The following GJB7 variants were observed in gnomAD, a reference collection of about 807,000 sequenced individuals.
GJB7 encodes the protein gap junction beta-7 protein.
For synonymous variants in GJB7, 87 were observed against 95.2 expected (o/e 0.91, Z 0.50); for missense variants, 253 against 256.8 (o/e 0.99, Z 0.10).
chr6:87,309,347 T>G (rs1480565339), intron 2 of GJB7, among the ~76,000 whole-genome samples: 1 of 152,198 alleles, frequency 6.6e-6, no homozygotes, highest in African/African-American at 2.4e-5. Flanking sequence ...CCTTATGGAT[T>G]TCCAGCTTGT....
intron 2 of GJB7, among the ~76,000 whole-genome samples, chr6:87,287,348 G>A (rs1776078348): frequency 6.6e-6 from 1 of 152,202 alleles, no homozygotes; most frequent in Non-Finnish European, 1.5e-5. Flanking sequence ...GGGGAGTTAA[G>A]AAAACTGAGA....
In GJB7 at chr6:87,292,799, A is replaced by G. The variant is rs1465780485; in HGVS notation, c.-27-7860T>C. On this transcript the variant is annotated intron_variant, in intron 2 of 2. Transcript: ENST00000525899. ...TAGAGATGAGAAAACATAACCAGAG[A>G]GTGGCCTGCTTTAGGTCTCAGAGCC... is the stretch of plus-strand genomic sequence containing the variant. Among the ~76,000 whole-genome samples the G allele has an allele frequency of 2.0e-5, 3 of 152,218 alleles. No homozygotes were observed. The South Asian group carries it at 6.2e-4, about 31-fold the overall frequency.
At chr6:87,321,561 AT>A (rs1454572972) in intron 2 of GJB7, among the ~76,000 whole-genome samples, 3 of 151,932 alleles carry the variant, frequency 2.0e-5, no homozygotes, top group Non-Finnish European at 4.4e-5. Flanking sequence ...GCCTGAACTC[AT>A]TTTTCAGGGT....
intron 2 of GJB7, chr6:87,298,646 C>T (rs150885280): frequency 1.3e-5 from 2 of 157,954 alleles, no homozygotes; most frequent in Non-Finnish European, 2.8e-5. Flanking sequence ...CTAGAAAGAA[C>T]TAACTTCTAT....
intron 2 of GJB7, among the ~76,000 whole-genome samples, chr6:87,308,415 TG>T (rs1401853490): frequency 6.6e-6 from 1 of 152,074 alleles, no homozygotes; most frequent in Non-Finnish European, 1.5e-5. Context: ...ATCCCGTAAC[TG>T]AAATTAAGAC....
At chr6:87,286,298 A>G (rs1382938176) in intron 2 of GJB7, among the ~76,000 whole-genome samples, 1 of 152,214 alleles carries the variant, frequency 6.6e-6, no homozygotes, top group East Asian at 1.9e-4. Flanking sequence ...ATTCTTATTG[A>G]ATGGCATCAC....
intron 2 of GJB7, among the ~76,000 whole-genome samples, chr6:87,290,350 A>G (rs1011051245): frequency 6.6e-6 from 1 of 152,026 alleles, no homozygotes; most frequent in African/African-American, 2.4e-5. Flanking sequence ...GAAGAAAAGC[A>G]TTTCCTCCCA....
chr6:87,326,427 T>C (rs2985038), intron 1 of GJB7, among the ~76,000 whole-genome samples: 94,113 of 151,824 alleles, frequency 0.62, 29,566 homozygotes, highest in African/African-American at 0.68. Flanking sequence ...TCCCTCTACA[T>C]GCTGCTTTGA....
intron 2 of GJB7, among the ~76,000 whole-genome samples, chr6:87,314,327 T>G (rs900164895): frequency 2.6e-5 from 4 of 152,166 alleles, no homozygotes; most frequent in Admixed American, 6.5e-5. Context: ...CACGGGCCCC[T>G]CTCTATCTCA....
intron 2 of GJB7, among the ~76,000 whole-genome samples, chr6:87,306,885 T>C (rs1282065397): frequency 6.6e-6 from 1 of 152,166 alleles, no homozygotes; most frequent in Non-Finnish European, 1.5e-5. Flanking sequence ...GGGACATGGA[T>C]GAATTGGAAA....
intron 2 of GJB7, among the ~76,000 whole-genome samples, chr6:87,285,351 G>A (rs992592514): frequency 1.3e-5 from 2 of 152,096 alleles, no homozygotes; most frequent in African/African-American, 2.4e-5. Context: ...GATTGTTGAC[G>A]CTATAGTCTC....
At chr6:87,307,782 T>C (rs1241806125) in intron 2 of GJB7, among the ~76,000 whole-genome samples, 1 of 152,224 alleles carries the variant, frequency 6.6e-6, no homozygotes, top group Non-Finnish European at 1.5e-5. Flanking sequence ...TTGGTGGGTC[T>C]GTAAACTGGT....
intron 2 of GJB7, among the ~76,000 whole-genome samples, chr6:87,293,690 G>A (rs145473075): frequency 3.2e-4 from 49 of 152,330 alleles, no homozygotes; most frequent in African/African-American, 1.1e-3. Flanking sequence ...GGCTGAGGAC[G>A]TTTGTTGTTG....
intron 2 of GJB7, among the ~76,000 whole-genome samples, chr6:87,318,877 G>T (rs930049350): frequency 6.6e-6 from 1 of 152,098 alleles, no homozygotes; most frequent in Non-Finnish European, 1.5e-5. Flanking sequence ...CAGCATTTAT[G>T]TTATTATTTT....
At chr6:87,310,903 A>G (rs925442262) in intron 2 of GJB7, among the ~76,000 whole-genome samples, 5 of 152,270 alleles carry the variant, frequency 3.3e-5, no homozygotes, top group African/African-American at 1.2e-4. Flanking sequence ...AACTTTCAGA[A>G]GAAAACACAG....
At chr6:87,323,979 G>T (rs2127914352) in intron 1 of GJB7, among the ~76,000 whole-genome samples, 1 of 150,810 alleles carries the variant, frequency 6.6e-6, no homozygotes, top group Non-Finnish European at 1.5e-5. Flanking sequence ...ACTGCTGTGA[G>T]ATGGTATCTC....
Position 87,283,530 on chromosome 6 carries a change from C to G in GJB7, c.*711G>C, listed in dbSNP as rs1776007196. On this transcript the variant is annotated 3_prime_UTR_variant, in exon 3 of 3. Coordinates refer to ENST00000525899, the MANE Select transcript of GJB7 (RefSeq NM_198568.3). The stretch of plus-strand genomic sequence containing the variant: ...TCCCTCTCCTCTAATCCACTTATAT[C>G]CAAGGATCCCTGAATCGGCAAGAGG... 6.6e-6 allele frequency: 1 copy of G among 152,248 alleles called. No homozygotes were observed. Among genetic ancestry groups the G allele is most frequent in the African/African-American group, 2.4e-5 (1 of 41,456 alleles). 9.4% of individuals were successfully genotyped at this position (152,248 alleles called of 1,614,324 possible).
At chr6:87,295,846 C>T (rs572907502) in intron 2 of GJB7, among the ~76,000 whole-genome samples, 17 of 152,272 alleles carry the variant, frequency 1.1e-4, no homozygotes, top group Non-Finnish European at 1.9e-4. Context: ...TAAGCAATTT[C>T]CATGTCCAAG....
At chr6:87,297,974 T>C (rs1227547595) in intron 2 of GJB7, among the ~76,000 whole-genome samples, 1 of 152,178 alleles carries the variant, frequency 6.6e-6, no homozygotes, top group Non-Finnish European at 1.5e-5. Flanking sequence ...TAAAGAGTGT[T>C]TGAACAACTC....
Sources: allele counts gnomAD v4.1 joint callset (sites outside exome capture counted in the v4.1 genomes callset), GRCh38; gene constraint gnomAD v4.1.1; transcripts MANE v1.5; gene names NCBI Gene and HGNC (gene_info 2026-07-23, HGNC 2026-07-21).